Variants in STRN3 observed in about 807,000 individuals in gnomAD.
The protein encoded by STRN3 is striatin 3.
STRN3 carries 29 observed loss-of-function variants against 95.6 expected under a neutral mutation model. The ratio of observed to expected loss-of-function variants is 0.30; its 90% confidence interval spans 0.23 to 0.41. The LOEUF (loss-of-function observed/expected upper bound fraction) is 0.41, where lower values mean the gene tolerates loss of function less well. STRN3 is among the 10% of genes least tolerant of loss of function. The pLI, the probability that STRN3 is intolerant of heterozygous loss-of-function variation, is 1.00. For missense variants in STRN3, 890 were observed against 972.1 expected (o/e 0.92, Z 1.12); for synonymous variants, 331 against 357.6 (o/e 0.93, Z 0.84).
chr14:30,992,165 T>G (rs955629098), intron 1 of STRN3, among the ~76,000 whole-genome samples: 7 of 151,946 alleles, frequency 4.6e-5, no homozygotes, highest in Non-Finnish European at 1.5e-5. Context: ...ATCCCAGCAC[T>G]TTCGGAGGCT....
At chr14:30,979,510 G>A (rs1212925923) in intron 1 of STRN3, among the ~76,000 whole-genome samples, 1 of 151,852 alleles carries the variant, frequency 6.6e-6, no homozygotes, top group African/African-American at 2.4e-5. Context: ...GATAATTTAG[G>A]GTAACAAATA....
chr14:30,943,406 C>T (rs138022095), intron 5 of STRN3, among the ~76,000 whole-genome samples: 1 of 152,184 alleles, frequency 6.6e-6, no homozygotes, highest in East Asian at 1.9e-4. Context: ...TCAAGATCAG[C>T]CTGGGGAACA....
chr14:30,996,076 AG>A (rs1333762325), intron 1 of STRN3, among the ~76,000 whole-genome samples: 2 of 152,190 alleles, frequency 1.3e-5, no homozygotes, highest in East Asian at 3.8e-4. Flanking sequence ...TTTATCCCTC[AG>A]TTTATTTTCC....
intron 1 of STRN3, among the ~76,000 whole-genome samples, chr14:31,015,017 C>T (rs1376694820): frequency 6.6e-6 from 1 of 152,106 alleles, no homozygotes; most frequent in African/African-American, 2.4e-5. Context: ...TTTCTAGAGA[C>T]AGGATTTCAC....
At chr14:30,916,888 G>T (rs1896754174) in intron 9 of STRN3, among the ~76,000 whole-genome samples, 2 of 152,180 alleles carry the variant, frequency 1.3e-5, no homozygotes, top group African/African-American at 4.8e-5. Flanking sequence ...GAAACCTGTA[G>T]CTCGCATATT....
intron 5 of STRN3, among the ~76,000 whole-genome samples, chr14:30,944,487 T>C (rs1207705635): frequency 6.7e-6 from 1 of 148,514 alleles, no homozygotes; most frequent in Non-Finnish European, 1.5e-5. Flanking sequence ...ATACATAATA[T>C]ATACACATAT....
intron 13 of STRN3, among the ~76,000 whole-genome samples, chr14:30,909,732 C>T (rs945430905): frequency 2.0e-5 from 3 of 152,152 alleles, no homozygotes; most frequent in Non-Finnish European, 2.9e-5. Context: ...CCCACTTCGG[C>T]CTCCCAAAGT....
rs181405958 is a variant in STRN3, at chr14:31,018,340, G to C, written c.282+7564C>G. On this transcript the variant is annotated intron_variant, in intron 1 of 17. Transcript: ENST00000357479. ...TGTTGCATTCATCTCTGTACCCCCA[G>C]CATCTAGCAGTGTTGGCATGTAGTG... 3.9e-5 allele frequency: 11 copies of C among 284,210 alleles called. No homozygotes were observed. In the East Asian group the frequency reaches 1.3e-3, roughly 33 times the overall value. 17.6% of individuals were successfully genotyped at this position (284,210 alleles called of 1,614,324 possible).
chr14:31,024,633 TA>T (rs1375586295), intron 1 of STRN3, among the ~76,000 whole-genome samples: 1 of 152,208 alleles, frequency 6.6e-6, no homozygotes, highest in East Asian at 1.9e-4. Context: ...TATAAAAGTT[TA>T]CTAGTTCAGA....
At chr14:30,918,387 T>C (rs953837803) in intron 9 of STRN3, among the ~76,000 whole-genome samples, 14 of 151,914 alleles carry the variant, frequency 9.2e-5, no homozygotes, top group African/African-American at 2.7e-4. Flanking sequence ...TGTGCGCCTA[T>C]AGTCCCAGCT....
At chr14:30,912,841 G>C (rs766675884) in intron 10 of STRN3, among the ~76,000 whole-genome samples, 5 of 151,920 alleles carry the variant, frequency 3.3e-5, no homozygotes, top group African/African-American at 4.8e-5. Context: ...ACCAAAGGCT[G>C]TCTCTAAGCA....
At position 30,933,081 on chromosome 14, in the gene STRN3, C is replaced by T. The variant is rs950202848; in HGVS notation, c.988+2082G>A. On this transcript the variant is annotated intron_variant, in intron 7 of 17. Transcript: ENST00000357479. ...CTTGAGTCCACGAGTTCAAGACTAG[C>T]CTGAGCAACATGGCCAAACTCCGTC... is the stretch of plus-strand genomic sequence containing the variant. Among the ~76,000 whole-genome samples the T allele has an allele frequency of 4.0e-5, 6 of 151,592 alleles. No homozygotes were observed. In the East Asian group the frequency reaches 9.7e-4, roughly 24 times the overall value.
At chr14:30,974,870 G>A (rs572389038) in intron 1 of STRN3, among the ~76,000 whole-genome samples, 2 of 151,990 alleles carry the variant, frequency 1.3e-5, no homozygotes, top group South Asian at 4.2e-4. Context: ...AACAGAGTGA[G>A]CACATGCTGT....
At chr14:30,912,521 A>C (rs994854295) in intron 10 of STRN3, among the ~76,000 whole-genome samples, 3 of 152,230 alleles carry the variant, frequency 2.0e-5, no homozygotes, top group Non-Finnish European at 4.4e-5. Flanking sequence ...AAATAATTAC[A>C]TAAGTTATTA....
Position 31,020,650 on chromosome 14 carries a change from CCCAATACTTGGACTT to C in STRN3, c.282+5239_282+5253del, listed in dbSNP as rs1371154605. ...AGGCATGATGGCTCATGCCTGTAAT[CCCAATACTTGGACTT>C]TGGGAGGATGAGGTGGGAGAATCAT... On this transcript the variant is annotated intron_variant, in intron 1 of 17. Transcript: ENST00000357479. Among the ~76,000 whole-genome samples, 3 of 151,922 alleles carry C rather than the reference CCCAATACTTGGACTT, an allele frequency of 2.0e-5. No individual in the cohort carries two copies. The East Asian group carries it at 5.8e-4, about 30-fold the overall frequency.
At chr14:30,982,659 G>A (rs995381861) in intron 1 of STRN3, among the ~76,000 whole-genome samples, 6 of 152,284 alleles carry the variant, frequency 3.9e-5, no homozygotes, top group South Asian at 4.1e-4. Flanking sequence ...TCACATTCAC[G>A]TGGTATTTGC....
rs58179315 is a variant in STRN3, at chr14:31,002,540, G to A, written c.282+23364C>T. On this transcript the variant is annotated intron_variant, in intron 1 of 17. Coordinates refer to ENST00000357479, the MANE Select transcript of STRN3 (RefSeq NM_001083893.2). Reference sequence around the variant, plus strand: ...CGCCTGTAATCCCAGCTACTCAGGAGGCTGAGGTGACAATCACTTGAACCC... The same window carrying A: ...CGCCTGTAATCCCAGCTACTCAGGAAGCTGAGGTGACAATCACTTGAACCC... 5.7e-3 allele frequency among the ~76,000 whole-genome samples: 866 copies of A among 151,252 alleles called. 6 individuals carry two copies. The highest frequency in any genetic ancestry group is 0.031 in the East Asian group (160 of 5,124).
At chr14:30,919,520 A>G (rs115670299) in intron 8 of STRN3, among the ~76,000 whole-genome samples, 2,944 of 152,270 alleles carry the variant, frequency 0.019, 89 homozygotes, top group African/African-American at 0.067. Context: ...GCTTTTCAAC[A>G]TAATTCACTG....
intron 1 of STRN3, among the ~76,000 whole-genome samples, chr14:31,021,863 T>C (rs576006994): frequency 6.6e-6 from 1 of 152,142 alleles, no homozygotes; most frequent in African/African-American, 2.4e-5. Flanking sequence ...GTGGGGTTAA[T>C]GGGTAGTGGA....
Sources: allele counts gnomAD v4.1 joint callset (sites outside exome capture counted in the v4.1 genomes callset), GRCh38; gene constraint gnomAD v4.1.1; transcripts MANE v1.5; gene names NCBI Gene and HGNC (gene_info 2026-07-23, HGNC 2026-07-21).